Variants in WWOX observed in about 807,000 individuals in gnomAD.
WWOX encodes WW domain containing oxidoreductase.
In WWOX, 69 loss-of-function variants were observed where a neutral mutation model predicts 46.2. The observed-to-expected ratio is 1.49, with a 90% confidence interval of 1.23 to 1.82. The LOEUF is 1.82. Ranked by LOEUF, WWOX falls within the 40% of genes most tolerant of loss-of-function variation. The pLI, the probability that WWOX is intolerant of heterozygous loss-of-function variation, is 0.00. For synonymous variants in WWOX, 359 were observed against 202.6 expected (o/e 1.77, Z -6.56); for missense variants, 919 against 542.6 (o/e 1.69, Z -6.89).
intron 8 of WWOX, among the ~76,000 whole-genome samples, chr16:79,126,496 T>C (rs1199651984): frequency 9.2e-5 from 14 of 152,166 alleles, no homozygotes; most frequent in Admixed American, 9.2e-4. Flanking sequence ...GTTCGTTCTG[T>C]GTTCATTCTC....
intron 8 of WWOX, among the ~76,000 whole-genome samples, chr16:78,919,963 A>G (rs1304163645): frequency 4.6e-5 from 7 of 152,168 alleles, no homozygotes; most frequent in African/African-American, 1.7e-4. Flanking sequence ...CAAACACGTA[A>G]GCTTATTTAC....
In WWOX at chr16:78,975,162, T is replaced by C. The variant is rs181520891; in HGVS notation, c.1057-236446T>C. On this transcript the variant is annotated intron_variant, in intron 8 of 8. Transcript: ENST00000566780. ...AGTCCTTAAAAAGTCAACATTGTTA[T>C]GTTTTACTTAGTTATGACTTAGTGA... 1.6e-4 allele frequency among the ~76,000 whole-genome samples: 25 copies of C among 152,322 alleles called. No individual in the cohort carries two copies. The South Asian group carries it at 2.1e-3, about 13-fold the overall frequency.
At chr16:78,348,906 A>AGAAATGAGG (rs2081138997) in intron 5 of WWOX, among the ~76,000 whole-genome samples, 1 of 120,524 alleles carries the variant, frequency 8.3e-6, no homozygotes, top group African/African-American at 2.8e-5. Context: ...ACAGAGGGTC[A>AGAAATGAGG]GAAATCAGGG....
intron 8 of WWOX, among the ~76,000 whole-genome samples, chr16:78,464,379 T>C (rs2084024293): frequency 6.6e-6 from 1 of 151,046 alleles, no homozygotes; most frequent in Admixed American, 6.6e-5. Flanking sequence ...GGCACAGAGG[T>C]AGAGAGGCAG....
intron 8 of WWOX, among the ~76,000 whole-genome samples, chr16:78,982,091 G>T (rs539178698): frequency 6.6e-6 from 1 of 152,118 alleles, no homozygotes; most frequent in Non-Finnish European, 1.5e-5. Context: ...AGCCTCACTG[G>T]GGATGGGCTA....
intron 8 of WWOX, among the ~76,000 whole-genome samples, chr16:78,821,609 T>C (rs529870179): frequency 6.6e-6 from 1 of 152,166 alleles, no homozygotes; most frequent in African/African-American, 2.4e-5. Context: ...CCCATATATG[T>C]GTCAATGTTT....
At chr16:78,642,903 A>G (rs539116128) in intron 8 of WWOX, among the ~76,000 whole-genome samples, 12 of 152,300 alleles carry the variant, frequency 7.9e-5, no homozygotes, top group African/African-American at 2.6e-4. Flanking sequence ...CACTCATCCT[A>G]CTTGGTGTAA....
chr16:78,178,850 C>T (rs186071461), intron 5 of WWOX, among the ~76,000 whole-genome samples: 28 of 136,088 alleles, frequency 2.1e-4, no homozygotes, highest in Admixed American at 9.0e-4. Flanking sequence ...GGCGACAGAG[C>T]GAGATTCCGT....
At chr16:78,689,742 T>G (rs2047942793) in intron 8 of WWOX, among the ~76,000 whole-genome samples, 1 of 152,230 alleles carries the variant, frequency 6.6e-6, no homozygotes, top group Non-Finnish European at 1.5e-5. Flanking sequence ...TTTATTATAT[T>G]TGGAGTTGAG....
chr16:78,430,564 C>T (rs1382424838), intron 7 of WWOX, among the ~76,000 whole-genome samples: 1 of 152,122 alleles, frequency 6.6e-6, no homozygotes, highest in Non-Finnish European at 1.5e-5. Context: ...CTACCATCAC[C>T]AGCAGTCATC....
chr16:78,837,650 A>C (rs932035119), intron 8 of WWOX, among the ~76,000 whole-genome samples: 1 of 152,164 alleles, frequency 6.6e-6, no homozygotes, highest in Non-Finnish European at 1.5e-5. Flanking sequence ...TGGTGAACCA[A>C]ATATTTTGTA....
chr16:79,046,261 T>C (rs2048063864), intron 8 of WWOX, among the ~76,000 whole-genome samples: 2 of 152,210 alleles, frequency 1.3e-5, no homozygotes, highest in African/African-American at 2.4e-5. Flanking sequence ...ACTCCCTTTT[T>C]TCCCTTGAAC....
intron 8 of WWOX, among the ~76,000 whole-genome samples, chr16:78,432,972 G>C (rs2083260019): frequency 6.6e-6 from 1 of 152,146 alleles, no homozygotes; most frequent in South Asian, 2.1e-4. Context: ...GTGGGTTTCA[G>C]TATCATGTTA....
chr16:78,524,747 T>G (rs957104090), intron 8 of WWOX, among the ~76,000 whole-genome samples: 1 of 151,522 alleles, frequency 6.6e-6, no homozygotes, highest in African/African-American at 2.4e-5. Context: ...TAACAAAGTA[T>G]TAGCATTGTG....
chr16:78,406,310 ATATAT>A lies in WWOX; in HGVS notation c.606-18559_606-18555del, dbSNP rs1567553305. On this transcript the variant is annotated intron_variant, in intron 6 of 8. Transcript: ENST00000566780. ...TTACAGCATATAAATATAAATATAT[ATATAT>A]ATATATATATATATATATATATATA... Among the ~76,000 whole-genome samples, 236 of 33,444 alleles carry A rather than the reference ATATAT, an allele frequency of 7.1e-3. 3 individuals are homozygous for A. Among genetic ancestry groups the A allele is most frequent in the African/African-American group, 0.022 (75 of 3,440 alleles). The allele number at this position is 33,444 out of a possible 152,430, so 21.9% of individuals were successfully genotyped here.
intron 6 of WWOX, among the ~76,000 whole-genome samples, chr16:78,416,228 TTCA>T (rs1442331436): frequency 6.6e-6 from 1 of 152,256 alleles, no homozygotes; most frequent in African/African-American, 2.4e-5. Context: ...TCTGTAAATA[TTCA>T]TCATCTCAGA....
rs180943019 is a variant in WWOX at position 78,473,887 on chromosome 16, C to T, written c.1056+41135C>T. 3.0e-3 allele frequency among the ~76,000 whole-genome samples: 451 copies of T among 152,260 alleles called. 11 individuals carry two copies. The South Asian group carries it at 0.066, about 22-fold the overall frequency. ...GCACACACGCTGCCATTCTTCTTCG[C>T]CGTTGTTACCGTATTAATTTAGGGA... On this transcript the variant is annotated intron_variant, in intron 8 of 8. Transcript: ENST00000566780.
intron 8 of WWOX, among the ~76,000 whole-genome samples, chr16:78,683,163 T>G (rs959225018): frequency 6.6e-6 from 1 of 152,168 alleles, no homozygotes; most frequent in African/African-American, 2.4e-5. Context: ...AGGAAAACAC[T>G]GAGTGTTACT....
At chr16:78,998,466 C>A (rs970619459) in intron 8 of WWOX, among the ~76,000 whole-genome samples, 13 of 152,086 alleles carry the variant, frequency 8.5e-5, no homozygotes, top group African/African-American at 2.4e-5. Flanking sequence ...AAGATTTTTT[C>A]ACTGAGGGAC....
Sources: gnomAD v4.1 joint callset for allele counts (sites outside exome capture counted in the v4.1 genomes callset) on GRCh38, gnomAD v4.1.1 for gene constraint, MANE v1.5 for transcripts, NCBI Gene and HGNC (gene_info 2026-07-23, HGNC 2026-07-21) for gene names.